The following COL11A1 variants were observed in gnomAD, a reference collection of about 807,000 sequenced individuals.
COL11A1 encodes collagen alpha-1(XI) chain.
A neutral mutation model predicts 265.2 loss-of-function variants in COL11A1; 74 were observed. The observed-to-expected ratio is 0.28, with a 90% CI of 0.23 to 0.34. COL11A1 has a LOEUF of 0.34. COL11A1 is among the 10% of genes least tolerant of loss of function. The probability of loss-of-function intolerance (pLI) is 1.00; values close to 1 mark genes in which losing one functional copy is unlikely to be tolerated. For synonymous variants in COL11A1, 816 were observed against 727.6 expected, an observed-to-expected ratio of 1.12 and a Z score of -1.96; for missense variants, 2,165 against 2,263.6, an observed-to-expected ratio of 0.96 and a Z score of 0.88.
rs144573952 is a variant in COL11A1, at chr1:103,105,878, T to A, written c.106+2195A>T. On this transcript the variant is annotated intron_variant, in intron 1 of 66. Transcript: ENST00000370096. ...ACAAAAGTGGATTTATGTTAATATG[T>A]GGCCTCCCAGGAAAAATGAGCACTA... is the stretch of plus-strand genomic sequence containing the variant. Among the ~76,000 whole-genome samples, 7 of 152,316 alleles carry A rather than the reference T, an allele frequency of 4.6e-5. No homozygotes were observed. In the East Asian group the frequency reaches 1.3e-3, roughly 29 times the overall value.
intron 4 of COL11A1, among the ~76,000 whole-genome samples, chr1:103,066,930 C>G (rs1671202407): frequency 6.6e-6 from 1 of 151,794 alleles, no homozygotes; most frequent in Non-Finnish European, 1.5e-5. Flanking sequence ...GCAAAAAATA[C>G]TAGTGGAGAT....
chr1:102,968,195 A>C (rs1297654743), intron 37 of COL11A1, among the ~76,000 whole-genome samples: 1 of 152,266 alleles, frequency 6.6e-6, no homozygotes, highest in Non-Finnish European at 1.5e-5. Context: ...CAGAGTAGCT[A>C]GTCAAATTAT....
intron 62 of COL11A1, among the ~76,000 whole-genome samples, chr1:102,888,338 GA>G (rs1651268286): frequency 6.6e-6 from 1 of 152,032 alleles, no homozygotes; most frequent in Admixed American, 6.6e-5. Context: ...TGATTCTCTT[GA>G]AAAAATAATA....
intron 14 of COL11A1, 34 bp from the exon 15 acceptor site, chr1:103,008,550 T>C (rs773280612): frequency 6.3e-7 from 1 of 1,585,466 alleles, no homozygotes; most frequent in South Asian, 1.1e-5. Context: ...TTCACTTAAT[T>C]TAGCAATTTC....
chr1:102,970,228 A>C lies in COL11A1; in HGVS notation c.2853T>G (p.Arg951=). ...KDGLPGHPGQ[R]GETGFQGKTG... is the part of the protein sequence containing the mutation. ...TAACAAGGTCACTTACAGTCTCCCC[A>C]CGTTGCCCAGGGTGTCCTGGCAGCC... Residue 951 remains arginine (R), a synonymous_variant, in exon 37 of 67, where the codon CGT becomes CGG. Transcript: ENST00000370096. 1.2e-6 allele frequency: 2 copies of C among 1,612,356 alleles called. No individual in the cohort carries two copies. Among genetic ancestry groups the C allele is most frequent in the Non-Finnish European group, 1.7e-6 (2 of 1,178,928 alleles).
intron 4 of COL11A1, among the ~76,000 whole-genome samples, chr1:103,037,783 GT>G (rs562073455): frequency 6.6e-6 from 1 of 152,080 alleles, no homozygotes; most frequent in Admixed American, 6.6e-5. Context: ...AACATTTAAA[GT>G]TTTTTATTCT....
intron 1 of COL11A1, among the ~76,000 whole-genome samples, chr1:103,103,257 AAT>A (rs1306997685): frequency 6.6e-6 from 1 of 152,064 alleles, no homozygotes; most frequent in African/African-American, 2.4e-5. Flanking sequence ...GTATACATAA[AAT>A]ATATGTCATC....
At chr1:102,994,464 C>G (rs1040458811) in intron 28 of COL11A1, among the ~76,000 whole-genome samples, 1 of 152,068 alleles carries the variant, frequency 6.6e-6, no homozygotes, top group Admixed American at 6.6e-5. Context: ...TGCCTGTGCC[C>G]TCTTTGCCTT....
At chr1:102,920,846 C>T (rs1214397560) in intron 48 of COL11A1, among the ~76,000 whole-genome samples, 1 of 151,962 alleles carries the variant, frequency 6.6e-6, no homozygotes, top group Non-Finnish European at 1.5e-5. Context: ...TTCTGGCCTG[C>T]CAGAATTAAA....
chr1:102,878,422 A>C (rs1649779114), intron 66 of COL11A1, among the ~76,000 whole-genome samples: 1 of 139,958 alleles, frequency 7.1e-6, no homozygotes, highest in Admixed American at 7.6e-5. Context: ...AAGAGTCTTG[A>C]GTTTCATAAT....
rs1425495254 is a variant in COL11A1 at position 103,026,198 on chromosome 1, G to C, written c.897+18C>G. On this transcript the variant is annotated intron_variant, in intron 6 of 66. Coordinates refer to ENST00000370096, the MANE Select transcript of COL11A1 (RefSeq NM_001854.4). ...GAACAGCAGGACACCACATACACAGGCACTGCTTTGTTTTTACCTCCGTCT... is the reference window on the plus strand; with the variant it reads ...GAACAGCAGGACACCACATACACAGCCACTGCTTTGTTTTTACCTCCGTCT... 1.3e-6 allele frequency: 2 copies of C among 1,532,662 alleles called. No individual in the cohort carries two copies. The highest frequency in any genetic ancestry group is 1.8e-6 in the Non-Finnish European group (2 of 1,105,774). 94.9% of individuals were successfully genotyped at this position (1,532,662 alleles called of 1,614,324 possible).
chr1:102,885,208 G>T (rs961884914), intron 63 of COL11A1, among the ~76,000 whole-genome samples: 8 of 151,962 alleles, frequency 5.3e-5, no homozygotes, highest in African/African-American at 1.7e-4. Context: ...ATCTGAAGGC[G>T]CCTATGTTAT....
intron 1 of COL11A1, among the ~76,000 whole-genome samples, chr1:103,083,440 C>G (rs75350215): frequency 6.6e-6 from 1 of 152,064 alleles, no homozygotes; most frequent in African/African-American, 2.4e-5. Flanking sequence ...CATTTTCCAA[C>G]AGTTACTAAT....
intron 44 of COL11A1, among the ~76,000 whole-genome samples, chr1:102,938,080 T>A (rs1841839): frequency 0.77 from 117,119 of 152,150 alleles, 48,229 homozygotes; most frequent in East Asian, 1. Flanking sequence ...TTCATTCTAG[T>A]GTTTTCTTTT....
chr1:102,890,058 C>T (rs1238953848), intron 58 of COL11A1, among the ~76,000 whole-genome samples: 2 of 152,076 alleles, frequency 1.3e-5, no homozygotes, highest in Non-Finnish European at 2.9e-5. Context: ...TGGTGCAACT[C>T]AGCATAAATT....
intron 4 of COL11A1, among the ~76,000 whole-genome samples, chr1:103,052,770 C>G (rs2102145569): frequency 6.6e-6 from 1 of 152,276 alleles, no homozygotes; most frequent in Non-Finnish European, 1.5e-5. Context: ...CATGCATTTA[C>G]TAATCTTTAT....
intron 4 of COL11A1, among the ~76,000 whole-genome samples, chr1:103,050,562 C>T (rs1427297189): frequency 2.6e-5 from 4 of 152,066 alleles, no homozygotes; most frequent in Admixed American, 1.3e-4. Flanking sequence ...TCCTGTGGCT[C>T]GGAGTAGTTT....
rs1050567106 is a variant in COL11A1 at position 102,914,505 on chromosome 1, T to G, written c.3925-100A>C. ...AAGAGGTTAAAGTCATGACAAAACC[T>G]GCTGAGAATATTTCTCTTCTCCCGC... On this transcript the variant is annotated intron_variant, in intron 51 of 66. Coordinates refer to ENST00000370096, the MANE Select transcript of COL11A1 (RefSeq NM_001854.4). The G allele has an allele frequency of 3.3e-6, 4 of 1,203,694 alleles. No homozygotes were observed. In the African/African-American group the frequency reaches 6.1e-5, roughly 18 times the overall value. The allele number at this position is 1,203,694 out of a possible 1,614,324, so 74.6% of individuals were successfully genotyped here. A position where few individuals can be genotyped will look rare whatever the true frequency, so the allele number is the denominator to read the frequency against.
chr1:102,905,258 G>C (rs1653805354), intron 54 of COL11A1, among the ~76,000 whole-genome samples: 1 of 149,028 alleles, frequency 6.7e-6, no homozygotes, highest in Non-Finnish European at 1.5e-5. Flanking sequence ...AGCATTAGGA[G>C]ATATACCTAA....
Sources: allele counts gnomAD v4.1 joint callset (sites outside exome capture counted in the v4.1 genomes callset), GRCh38; gene constraint gnomAD v4.1.1; transcripts MANE v1.5; gene names NCBI Gene and HGNC (gene_info 2026-07-23, HGNC 2026-07-21).